Variants in TENM1 observed in about 807,000 individuals in gnomAD.
TENM1 encodes the protein teneurin transmembrane protein 1.
In TENM1, 35 loss-of-function variants were observed where a neutral mutation model predicts 174.8. The observed-to-expected ratio is 0.20, with a 90% CI of 0.15 to 0.27. The LOEUF is 0.27. Among genes scored for constraint, TENM1 ranks in the 10% least tolerant of loss-of-function variants. The pLI, the probability that TENM1 is intolerant of heterozygous loss-of-function variation, is 1.00. For synonymous variants in TENM1, 781 were observed against 798.7 expected (o/e 0.98, Z 0.37); for missense variants, 1,633 against 2,130.1 (o/e 0.77, Z 4.59).
At chrX:124,711,014 A>G in intron 4 of TENM1, among the ~76,000 whole-genome samples, 1 of 112,183 alleles carries the variant, frequency 8.9e-6, no homozygotes, top group South Asian at 3.7e-4. Flanking sequence ...TGGGGACCTG[A>G]GGATATACTA....
chrX:124,873,533 T>A (rs1362216368), intron 3 of TENM1, among the ~76,000 whole-genome samples: 1 of 111,812 alleles, frequency 8.9e-6, no homozygotes, highest in Non-Finnish European at 1.9e-5. Context: ...TGTTTCATAG[T>A]AAGGGTAGAT....
chrX:124,578,996 G>T (rs1051397437), intron 11 of TENM1, among the ~76,000 whole-genome samples: 5 of 111,759 alleles, frequency 4.5e-5, no homozygotes, highest in African/African-American at 1.6e-4. Flanking sequence ...CTTTAATTCT[G>T]CCAAAAATTA....
At chrX:124,496,909 G>T in intron 20 of TENM1, 107 bp downstream of exon 23, 1 of 832,652 alleles carries the variant, frequency 1.2e-6, no homozygotes. Flanking sequence ...TGCTACAATA[G>T]GGGCAACTAC....
At chrX:124,584,138 A>C (rs1300148363) in intron 11 of TENM1, among the ~76,000 whole-genome samples, 10 of 110,412 alleles carry the variant, frequency 9.1e-5, no homozygotes, top group Non-Finnish European at 1.3e-4. Context: ...AGAACTTCCC[A>C]AATCTAGCAA....
chrX:124,398,686 T>C (rs1004684011), intron 27 of TENM1, among the ~76,000 whole-genome samples: 3 of 111,438 alleles, frequency 2.7e-5, no homozygotes, highest in African/African-American at 9.8e-5. Flanking sequence ...ATCAACTTTA[T>C]TTGGATAGTT....
intron 17 of TENM1, among the ~76,000 whole-genome samples, chrX:124,522,781 C>T (rs1263914292): frequency 1.8e-5 from 2 of 109,420 alleles, no homozygotes; most frequent in Non-Finnish European, 3.8e-5. Flanking sequence ...CTCCGTCTCA[C>T]GGGTTCAAGC....
At chrX:124,751,755 C>T (rs1256662393) in intron 3 of TENM1, among the ~76,000 whole-genome samples, 2 of 103,420 alleles carry the variant, frequency 1.9e-5, no homozygotes, top group Non-Finnish European at 3.9e-5. Context: ...GGTTTTTTGT[C>T]CTTGCGATAG....
At chrX:124,609,274 G>GATTTCA (rs2050231359) in intron 11 of TENM1, among the ~76,000 whole-genome samples, 1 of 111,336 alleles carries the variant, frequency 9.0e-6, no homozygotes, top group Non-Finnish European at 1.9e-5. Context: ...AATCTGATAG[G>GATTTCA]GTAGAAAATT....
chrX:125,137,422 C>CTT, the TENM1 span, among the ~76,000 whole-genome samples: 1 of 99,065 alleles, frequency 1.0e-5, no homozygotes, highest in East Asian at 3.2e-4. Flanking sequence ...CAGCACAATA[C>CTT]TTTTTTTTTT....
chrX:124,902,510 C>A (rs963421424), intron 1 of TENM1, among the ~76,000 whole-genome samples: 2 of 112,183 alleles, frequency 1.8e-5, no homozygotes, highest in Non-Finnish European at 3.8e-5. Flanking sequence ...ATTACTGACC[C>A]ACTAATAATT....
At chrX:124,592,437 T>C in intron 11 of TENM1, among the ~76,000 whole-genome samples, 1 of 73,189 alleles carries the variant, frequency 1.4e-5, no homozygotes, top group Non-Finnish European at 2.6e-5. Flanking sequence ...ATTATTGGTT[T>C]TTTTTTTTTT....
At chrX:124,812,793 A>G (rs1385774623) in intron 3 of TENM1, among the ~76,000 whole-genome samples, 5 of 111,747 alleles carry the variant, frequency 4.5e-5, no homozygotes, top group African/African-American at 1.6e-4. Context: ...ATGATGTAAG[A>G]AAGTAGTTTG....
At chrX:125,107,765 C>A in the TENM1 span, among the ~76,000 whole-genome samples, 1 of 112,068 alleles carries the variant, frequency 8.9e-6, no homozygotes, top group Non-Finnish European at 1.9e-5. Flanking sequence ...TTAAAAAAAA[C>A]TACATAACAC....
At chrX:125,178,446 GTACTT>G in the TENM1 span, among the ~76,000 whole-genome samples, 3 of 110,533 alleles carry the variant, frequency 2.7e-5, no homozygotes, top group Non-Finnish European at 3.8e-5. Context: ...TTGCATGTAG[GTACTT>G]TATCTTGTTT....
chrX:124,987,982 G>A, the TENM1 span, among the ~76,000 whole-genome samples: 1 of 111,046 alleles, frequency 9.0e-6, no homozygotes, highest in East Asian at 2.8e-4. Flanking sequence ...TATTTTTGGA[G>A]TCAAGTACAA....
intron 1 of TENM1, among the ~76,000 whole-genome samples, chrX:124,958,908 G>C (rs1346296050): frequency 9.0e-6 from 1 of 110,973 alleles, no homozygotes; most frequent in East Asian, 2.8e-4. Flanking sequence ...AGCAGATTCA[G>C]AGCTGAAGTA....
chrX:124,740,112 G>A (rs1388208464), intron 3 of TENM1, among the ~76,000 whole-genome samples: 8 of 111,752 alleles, frequency 7.2e-5, no homozygotes, highest in Non-Finnish European at 1.3e-4. Context: ...CTAATGCCAC[G>A]TGTGGGAGAG....
At chrX:124,649,467 G>A in intron 8 of TENM1, among the ~76,000 whole-genome samples, 1 of 112,479 alleles carries the variant, frequency 8.9e-6, no homozygotes, top group African/African-American at 3.2e-5. Context: ...CCTCCATTCA[G>A]TTATTTGTAA....
rs192861193 is a variant in TENM1 at position 124,951,310 on chromosome X, G to T, written c.217+12227C>A. On this transcript the variant is annotated intron_variant, in intron 1 of 31. Transcript: ENST00000422452. The stretch of plus-strand genomic sequence containing the variant: ...TTTAGGTTCTCTTCATTTCTACATT[G>T]AGGCCATTCTTCAATGGCTTCTATA... Among the ~76,000 whole-genome samples the T allele has an allele frequency of 9.9e-5, 11 of 110,852 alleles. No homozygotes were observed. The East Asian group carries it at 2.9e-3, about 29-fold the overall frequency.
Sources: allele counts gnomAD v4.1 joint callset (sites outside exome capture counted in the v4.1 genomes callset), GRCh38; gene constraint gnomAD v4.1.1; transcripts MANE v1.5; gene names NCBI Gene and HGNC (gene_info 2026-07-23, HGNC 2026-07-21).